The following ZNF688 variants were observed in gnomAD, a reference collection of about 807,000 sequenced individuals.
ZNF688 encodes the protein zinc finger protein 688.
A neutral mutation model predicts 13.2 loss-of-function variants in ZNF688; 10 were observed. The ratio of observed to expected loss-of-function variants is 0.76; its 90% CI spans 0.47 to 1.28. ZNF688 has a LOEUF of 1.28. Ranked by LOEUF, ZNF688 falls within the 50% of genes most tolerant of loss-of-function variation. The pLI, the probability that ZNF688 is intolerant of heterozygous loss-of-function variation, is 0.00. For synonymous variants in ZNF688, 160 were observed against 159.4 expected (o/e 1.00, Z -0.03); for missense variants, 381 against 391.4 (o/e 0.97, Z 0.22).
upstream of ZNF688, among the ~76,000 whole-genome samples, chr16:30,574,121 C>T (rs1368543692): frequency 1.3e-5 from 2 of 152,092 alleles, no homozygotes; most frequent in Non-Finnish European, 2.9e-5. Flanking sequence ...GTGGTGCACA[C>T]CTGTAGTCCC....
Position 30,571,056 on chromosome 16 carries a change from G to A in ZNF688, c.264C>T (p.Ala88=), listed in dbSNP as rs2051670525. 6 of 1,611,242 alleles carry A rather than the reference G, an allele frequency of 3.7e-6. No homozygotes were observed. The highest frequency in any genetic ancestry group is 2.2e-5 in the East Asian group (1 of 44,726). ...MEQESEAWSP[A]AQDPEKGERL... ...TTTCCCCCTTCTCAGGATCCTGGGC[G>A]GCGGGGCTCCAAGCCTCACTCTCCT... Residue 88 remains alanine, a synonymous_variant, in exon 2 of 3, where the codon GCC becomes GCT. Coordinates refer to ENST00000223459, the MANE Select transcript of ZNF688 (RefSeq NM_145271.4).
chr16:30,573,494 A>C (rs1362674157), upstream of ZNF688, among the ~76,000 whole-genome samples: 1 of 152,166 alleles, frequency 6.6e-6, no homozygotes, highest in African/African-American at 2.4e-5. Context: ...CACATTTGGA[A>C]TATACCTGCA....
upstream of ZNF688, among the ~76,000 whole-genome samples, chr16:30,576,361 G>A (rs372683617): frequency 3.2e-4 from 49 of 152,334 alleles, no homozygotes; most frequent in South Asian, 7.3e-3. Context: ...ACAGGTGCCC[G>A]CCACCACGCC....
upstream of ZNF688, among the ~76,000 whole-genome samples, chr16:30,576,502 GCCCAGCCA>G (rs1187405381): frequency 6.6e-6 from 1 of 152,104 alleles, no homozygotes; most frequent in Non-Finnish European, 1.5e-5. Context: ...GAGCCACCGC[GCCCAGCCA>G]CCCAGCTAAT....
At chr16:30,577,372 TGAAA>T (rs2051756343), upstream of ZNF688, among the ~76,000 whole-genome samples, 1 of 151,710 alleles carries the variant, frequency 6.6e-6, no homozygotes, top group African/African-American at 2.4e-5. Context: ...CTAAACAGAT[TGAAA>T]GAAACTTTTT....
At chr16:30,577,921 C>T in the ZNF688 span, among the ~76,000 whole-genome samples, 2 of 151,436 alleles carry the variant, frequency 1.3e-5, no homozygotes, top group South Asian at 2.1e-4. Flanking sequence ...CCACCGTCCT[C>T]GGCCTCCCAA....
chr16:30,576,275 G>A (rs1233020678), upstream of ZNF688, among the ~76,000 whole-genome samples: 1 of 152,154 alleles, frequency 6.6e-6, no homozygotes, highest in African/African-American at 2.4e-5. Context: ...GCAGTGGCGC[G>A]ATCTTGGCTC....
At chr16:30,576,524 T>C (rs188288655), upstream of ZNF688, among the ~76,000 whole-genome samples, 334 of 152,230 alleles carry the variant, frequency 2.2e-3, 1 homozygote, top group Non-Finnish European at 3.2e-3. Flanking sequence ...AGCTAATTTT[T>C]GTATTTTTAG....
chr16:30,576,099 G>A (rs1453310995), upstream of ZNF688, among the ~76,000 whole-genome samples: 1 of 152,192 alleles, frequency 6.6e-6, no homozygotes, highest in Non-Finnish European at 1.5e-5. Flanking sequence ...CTAGGCTGGA[G>A]TGCAGTGGCG....
At chr16:30,575,268 C>A (rs1046237452), upstream of ZNF688, among the ~76,000 whole-genome samples, 11 of 140,388 alleles carry the variant, frequency 7.8e-5, no homozygotes, top group Non-Finnish European at 1.2e-4. Flanking sequence ...TTTTTTGAGA[C>A]GGAGTTTTGC....
At chr16:30,572,539 G>A (rs1457931875), upstream of ZNF688, 1 of 387,136 alleles carries the variant, frequency 2.6e-6, no homozygotes, top group Non-Finnish European at 4.6e-6. Context: ...AATCGGAATG[G>A]GGAAGTTTTA....
Position 30,571,057 on chromosome 16 carries a change from G to C in ZNF688, c.263C>G (p.Ala88Gly). The C allele has an allele frequency of 6.2e-7, 1 of 1,611,354 alleles. No individual in the cohort carries two copies. The highest frequency in any genetic ancestry group is 8.5e-7 in the Non-Finnish European group (1 of 1,178,992). ...TTCCCCCTTCTCAGGATCCTGGGCG[G>C]CGGGGCTCCAAGCCTCACTCTCCTG... is the stretch of plus-strand genomic sequence containing the variant. ...MEQESEAWSP[A>G]AQDPEKGERL... is the part of the protein sequence containing the mutation. The change falls in exon 2 of 3, where the codon GCC becomes GGC. Residue 88 changes from alanine to glycine, a missense_variant. Transcript: ENST00000223459.
At chr16:30,570,872 G>T in intron 2 of ZNF688, 138 bp downstream of exon 2, 2 of 968,100 alleles carry the variant, frequency 2.1e-6, no homozygotes, top group Non-Finnish European at 3.2e-6. Flanking sequence ...CTTTGTACCA[G>T]GTCTGCCTTC....
At chr16:30,579,675 C>T in the ZNF688 span, 71 of 411,128 alleles carry the variant, frequency 1.7e-4, no homozygotes, top group East Asian at 9.4e-4. Context: ...CCACCGTGCC[C>T]GGCACCAGTT....
At position 30,569,875 on chromosome 16, in the gene ZNF688, T is replaced by G. The variant is rs1281320690; in HGVS notation, c.*41A>C. ...GCCCACCTCAGGGATCCGTCAGTCCTTCGTGCCAAGGTCAGGCTCAACTCC... is the reference window on the plus strand; with the variant it reads ...GCCCACCTCAGGGATCCGTCAGTCCGTCGTGCCAAGGTCAGGCTCAACTCC... On this transcript the variant is annotated 3_prime_UTR_variant, in exon 3 of 3. Transcript: ENST00000223459. The G allele has an allele frequency of 6.6e-7, 1 of 1,504,326 alleles. No homozygotes were observed. Among genetic ancestry groups the G allele is most frequent in the Non-Finnish European group, 8.9e-7 (1 of 1,127,830 alleles). 93.2% of individuals were successfully genotyped at this position (1,504,326 alleles called of 1,614,324 possible).
chr16:30,572,347 C>A, upstream of ZNF688: 1 of 1,389,940 alleles, frequency 7.2e-7, no homozygotes, highest in South Asian at 1.6e-5. Flanking sequence ...GGAATTTGGT[C>A]CCCAGACCCC....
chr16:30,573,796 A>G, upstream of ZNF688: 1 of 277,180 alleles, frequency 3.6e-6, no homozygotes, highest in Non-Finnish European at 7.0e-6. Context: ...TTATTAATTG[A>G]TTAATTATTA....
upstream of ZNF688, among the ~76,000 whole-genome samples, chr16:30,573,396 C>A (rs1018049941): frequency 3.3e-5 from 5 of 152,124 alleles, no homozygotes; most frequent in African/African-American, 7.2e-5. Context: ...CTTCCGCTTC[C>A]TAGATTTAAG....
chr16:30,574,608 G>A (rs535876533), upstream of ZNF688, among the ~76,000 whole-genome samples: 1 of 151,848 alleles, frequency 6.6e-6, no homozygotes, highest in Non-Finnish European at 1.5e-5. Flanking sequence ...CATATTTATG[G>A]AGTTCATGTG....
Sources: allele counts gnomAD v4.1 joint callset (sites outside exome capture counted in the v4.1 genomes callset), GRCh38; gene constraint gnomAD v4.1.1; transcripts MANE v1.5; gene names NCBI Gene and HGNC (gene_info 2026-07-23, HGNC 2026-07-21).